The following PTPRD variants were observed in gnomAD, a reference collection of about 807,000 sequenced individuals.
PTPRD encodes protein tyrosine phosphatase receptor type D.
In PTPRD, 34 loss-of-function variants were observed where a neutral mutation model predicts 214.5. The ratio of observed to expected loss-of-function variants is 0.16; its 90% CI spans 0.12 to 0.21. PTPRD has a LOEUF of 0.21. PTPRD is among the 10% of genes least tolerant of loss of function. PTPRD has a pLI of 1.00. For missense variants in PTPRD, 2,545 were observed against 2,398.7 expected (o/e 1.06, Z -1.27); for synonymous variants, 1,128 against 845.7 (o/e 1.33, Z -5.79).
intron 34 of PTPRD, chr9:8,437,337 T>A: frequency 1.0e-6 from 1 of 963,394 alleles, no homozygotes; most frequent in Non-Finnish European, 1.5e-6. Flanking sequence ...AAGGACTAAT[T>A]AAAATGCTGC....
chr9:10,292,762 G>C (rs1328267059), intron 3 of PTPRD, among the ~76,000 whole-genome samples: 1 of 151,520 alleles, frequency 6.6e-6, no homozygotes, highest in East Asian at 1.9e-4. Context: ...AATGACTGTA[G>C]GATTTTTCTG....
intron 3 of PTPRD, among the ~76,000 whole-genome samples, chr9:10,235,230 G>A (rs927476553): frequency 2.0e-5 from 3 of 151,734 alleles, no homozygotes; most frequent in Admixed American, 6.6e-5. Context: ...TTAGCTAAAC[G>A]GATTACATTT....
At chr9:9,292,917 G>C (rs978263624) in intron 9 of PTPRD, among the ~76,000 whole-genome samples, 1 of 151,362 alleles carries the variant, frequency 6.6e-6, no homozygotes, top group African/African-American at 2.4e-5. Context: ...CAGAAGTAAA[G>C]GGCCATTCTA....
intron 8 of PTPRD, among the ~76,000 whole-genome samples, chr9:9,408,983 T>C (rs1055181438): frequency 3.3e-5 from 5 of 151,964 alleles, no homozygotes; most frequent in African/African-American, 1.2e-4. Context: ...AAAAGATCAG[T>C]ATTTATCAAG....
intron 12 of PTPRD, among the ~76,000 whole-genome samples, chr9:8,674,412 C>T (rs1335844465): frequency 2.3e-5 from 3 of 128,286 alleles, no homozygotes; most frequent in African/African-American, 6.1e-5. Context: ...GAGCCGGGAT[C>T]GCGCCACTGC....
intron 14 of PTPRD, among the ~76,000 whole-genome samples, chr9:8,603,837 T>C (rs543441963): frequency 2.0e-5 from 3 of 152,288 alleles, no homozygotes; most frequent in Admixed American, 2.0e-4. Flanking sequence ...ACAATTTAGT[T>C]ATAGTGAAAT....
At chr9:9,348,713 T>C (rs748629746) in intron 9 of PTPRD, among the ~76,000 whole-genome samples, 3 of 152,242 alleles carry the variant, frequency 2.0e-5, no homozygotes, top group Middle Eastern at 6.8e-3. Flanking sequence ...TCACCTACTC[T>C]CATATAACTT....
intron 11 of PTPRD, among the ~76,000 whole-genome samples, chr9:8,756,209 A>T (rs767198899): frequency 1.3e-5 from 2 of 151,384 alleles, no homozygotes; most frequent in Non-Finnish European, 2.9e-5. Context: ...TGGCCAAATC[A>T]CTCCCCTTCT....
intron 2 of PTPRD, among the ~76,000 whole-genome samples, chr9:10,590,661 C>T (rs941532962): frequency 2.0e-5 from 3 of 151,712 alleles, no homozygotes; most frequent in African/African-American, 4.8e-5. Flanking sequence ...TTTTTTATTG[C>T]TGTATAGTAT....
At chr9:8,733,691 T>C in intron 12 of PTPRD, 89 bp downstream of exon 12, 1 of 1,316,832 alleles carries the variant, frequency 7.6e-7, no homozygotes, top group South Asian at 1.3e-5. Flanking sequence ...CCAAAGGAAA[T>C]GTATTCAGAG....
At chr9:9,978,380 C>T (rs937857764) in intron 4 of PTPRD, among the ~76,000 whole-genome samples, 1 of 151,680 alleles carries the variant, frequency 6.6e-6, no homozygotes, top group East Asian at 1.9e-4. Context: ...AAAATGGAAA[C>T]GCTAAAAGTG....
At chr9:9,133,340 G>A (rs560039031) in intron 10 of PTPRD, among the ~76,000 whole-genome samples, 2 of 152,170 alleles carry the variant, frequency 1.3e-5, no homozygotes, top group South Asian at 2.1e-4. Flanking sequence ...TTAATAACCT[G>A]CTCCCCGGGG....
chr9:8,900,022 A>T (rs1198342816), intron 11 of PTPRD, among the ~76,000 whole-genome samples: 1 of 152,160 alleles, frequency 6.6e-6, no homozygotes, highest in African/African-American at 2.4e-5. Context: ...TAAATTTTTT[A>T]CTAAAATCTT....
At chr9:9,988,228 A>C (rs2095790866) in intron 4 of PTPRD, among the ~76,000 whole-genome samples, 1 of 152,190 alleles carries the variant, frequency 6.6e-6, no homozygotes, top group Non-Finnish European at 1.5e-5. Context: ...AAAACTTTTC[A>C]AAAATATTTT....
chr9:10,466,487 G>A (rs1393739369), intron 2 of PTPRD, among the ~76,000 whole-genome samples: 1 of 151,848 alleles, frequency 6.6e-6, no homozygotes, highest in Non-Finnish European at 1.5e-5. Flanking sequence ...ACCAGGCGTG[G>A]TGGCGCATGC....
intron 14 of PTPRD, among the ~76,000 whole-genome samples, chr9:8,541,696 A>G (rs767182254): frequency 2.6e-4 from 40 of 152,062 alleles, no homozygotes; most frequent in Non-Finnish European, 5.1e-4. Context: ...GTGTGTGTGT[A>G]TGTCAATGTA....
At chr9:10,527,137 T>C (rs1298399085) in intron 2 of PTPRD, among the ~76,000 whole-genome samples, 1 of 152,146 alleles carries the variant, frequency 6.6e-6, no homozygotes, top group Non-Finnish European at 1.5e-5. Flanking sequence ...CACCAGGCTA[T>C]GGTGTGAATA....
intron 5 of PTPRD, among the ~76,000 whole-genome samples, chr9:9,775,015 C>G (rs527636443): frequency 1.3e-5 from 2 of 152,160 alleles, no homozygotes; most frequent in Admixed American, 1.3e-4. Flanking sequence ...GCATTAGTAC[C>G]TGAAAAGGAG....
chr9:9,058,796 G>A (rs2099701784), intron 10 of PTPRD, among the ~76,000 whole-genome samples: 1 of 152,034 alleles, frequency 6.6e-6, no homozygotes, highest in Non-Finnish European at 1.5e-5. Context: ...AAGTTAGAGA[G>A]GTTGTGAAAA....
Sources: allele counts gnomAD v4.1 joint callset (sites outside exome capture counted in the v4.1 genomes callset), GRCh38; gene constraint gnomAD v4.1.1; transcripts MANE v1.5; gene names NCBI Gene and HGNC (gene_info 2026-07-23, HGNC 2026-07-21).